PHLDB2: variants seen among roughly 807,000 people sequenced by gnomAD.
The protein encoded by PHLDB2 is pleckstrin homology-like domain family B member 2.
A neutral mutation model predicts 123.6 loss-of-function variants in PHLDB2; 71 were observed. The ratio of observed to expected loss-of-function variants is 0.57; its 90% CI spans 0.47 to 0.70. PHLDB2 has a LOEUF of 0.70. Ranked by LOEUF, PHLDB2 falls within the 30% of genes least tolerant of loss-of-function variation. The pLI is 0.00. For synonymous variants in PHLDB2, 547 were observed against 541.6 expected (o/e 1.01, Z -0.14); for missense variants, 1,446 against 1,519.5 (o/e 0.95, Z 0.80).
At chr3:111,858,796 A>G (rs1185100881), upstream of PHLDB2, among the ~76,000 whole-genome samples, 2 of 152,086 alleles carry the variant, frequency 1.3e-5, no homozygotes, top group African/African-American at 2.4e-5. Context: ...TCGAGGGCCA[A>G]TGTCCTTCAT....
In PHLDB2 at chr3:111,975,467, A is replaced by T. The variant is rs1029305607; in HGVS notation, c.*904A>T. 2 of 152,164 alleles carry T rather than the reference A, an allele frequency of 1.3e-5. No homozygotes were observed. Among genetic ancestry groups the T allele is most frequent in the Non-Finnish European group, 1.5e-5 (1 of 68,018 alleles). The allele number at this position is 152,164 out of a possible 1,614,324, so 9.4% of individuals were successfully genotyped here. A position where few individuals can be genotyped will look rare whatever the true frequency, so the allele number is the denominator to read the frequency against. On this transcript the variant is annotated 3_prime_UTR_variant, in exon 18 of 18. Coordinates refer to ENST00000431670, the MANE Select transcript of PHLDB2 (RefSeq NM_001134438.2). ...TAGCCAATGTCCTTTAGATTGTCTG[A>T]TTTCTTTTTGTTGTGGAGCACACCT...
At chr3:111,952,198 CTG>C (rs567374878) in intron 10 of PHLDB2, among the ~76,000 whole-genome samples, 172 of 152,296 alleles carry the variant, frequency 1.1e-3, no homozygotes, top group African/African-American at 3.8e-3. Context: ...TCACTGGTAT[CTG>C]TGTCATCACA....
In PHLDB2 at chr3:111,830,994, A is replaced by G. The variant is rs918540859; in HGVS notation, c.-48-14827A>G. On this transcript the variant is annotated intron_variant, in intron 1 of 17. Coordinates refer to the PHLDB2 transcript ENST00000393923. The stretch of plus-strand genomic sequence containing the variant: ...GAAAGAAAGAAAGAAAGAAAGAAAG[A>G]AAGAAAGAAAGAAAGAAAGAAAGAA... Among the ~76,000 whole-genome samples, 294 of 86,154 alleles carry G rather than the reference A, an allele frequency of 3.4e-3. 25 individuals carry two copies. The highest frequency in any genetic ancestry group is 5.0e-3 in the Middle Eastern group (1 of 200). 56.5% of individuals were successfully genotyped at this position (86,154 alleles called of 152,430 possible).
intron 1 of PHLDB2, among the ~76,000 whole-genome samples, chr3:111,839,342 G>C (rs140841007): frequency 2.8e-4 from 42 of 152,242 alleles, no homozygotes; most frequent in African/African-American, 7.2e-4. Flanking sequence ...ACAATGTCCT[G>C]ATTTTGATTC....
intron 14 of PHLDB2, 113 bp downstream of exon 14, chr3:111,966,816 C>T (rs1241976659): frequency 1.4e-6 from 1 of 705,074 alleles, no homozygotes; most frequent in Non-Finnish European, 2.4e-6. Context: ...GAATAAATCA[C>T]TCAACCTTTC....
At chr3:111,788,603 T>C (rs2060788127) in intron 1 of PHLDB2, among the ~76,000 whole-genome samples, 1 of 152,216 alleles carries the variant, frequency 6.6e-6, no homozygotes, top group South Asian at 2.1e-4. Context: ...TGCAGTAAGA[T>C]TGAAATAGCT....
intron 15 of PHLDB2, among the ~76,000 whole-genome samples, 170 bp from the exon 16 acceptor site, chr3:111,969,520 A>G (rs1436823024): frequency 6.6e-6 from 1 of 152,228 alleles, no homozygotes; most frequent in Non-Finnish European, 1.5e-5. Context: ...TGAAAATACT[A>G]TCCACTTTTT....
intron 1 of PHLDB2, among the ~76,000 whole-genome samples, chr3:111,819,116 T>C (rs929364761): frequency 2.0e-5 from 3 of 152,160 alleles, no homozygotes; most frequent in Admixed American, 2.0e-4. Context: ...AGAGAATGTG[T>C]GTGCAAGTTC....
At chr3:111,913,214 G>A (rs1052697893) in intron 2 of PHLDB2, 105 bp from the exon 3 acceptor site, 1 of 1,241,396 alleles carries the variant, frequency 8.1e-7, no homozygotes, top group African/African-American at 1.5e-5. Flanking sequence ...GTGGGTTTAT[G>A]TATGGAATGC....
intron 2 of PHLDB2, among the ~76,000 whole-genome samples, chr3:111,852,816 A>G (rs1308988618): frequency 8.5e-5 from 13 of 152,070 alleles, no homozygotes; most frequent in Non-Finnish European, 1.9e-4. Context: ...GCCTGATTAC[A>G]ATACAGACTC....
chr3:111,966,516 TGTGTGTCTG>T (rs1245623140), intron 13 of PHLDB2, 88 bp from the exon 14 acceptor site: 1 of 570,460 alleles, frequency 1.8e-6, no homozygotes, highest in African/African-American at 3.1e-5. Flanking sequence ...TGTGTGTGTG[TGTGTGTCTG>T]GGGTGTGTGT....
In PHLDB2 at chr3:111,920,351, G is replaced by C. The variant is rs1258708665; in HGVS notation, c.1933G>C (p.Glu645Gln). 1.4e-5 allele frequency: 23 copies of C among 1,614,058 alleles called. No individual in the cohort carries two copies. The highest frequency in any genetic ancestry group is 1.9e-5 in the Non-Finnish European group (22 of 1,179,944). ...AACAACTGAACTTATGAAGGAGAAG[G>C]AGATTTTGGATCATCTAAACCGGAA... is the stretch of plus-strand genomic sequence containing the variant. ...SETTELMKEK[E>Q]ILDHLNRKIA... Residue 645 changes from glutamate to glutamine, a missense_variant, in exon 5 of 18, where the codon GAG becomes CAG. By Grantham distance (29) the Glu-to-Gln change is conservative (BLOSUM62 2). This residue lies in a region of PHLDB2 where 832 missense variants were observed against 831.9 expected (regional missense o/e 1.00). Coordinates refer to ENST00000431670, the MANE Select transcript of PHLDB2 (RefSeq NM_001134438.2).
intron 12 of PHLDB2, among the ~76,000 whole-genome samples, chr3:111,954,347 C>T (rs2070899229): frequency 6.6e-6 from 1 of 152,114 alleles, no homozygotes; most frequent in East Asian, 1.9e-4. Context: ...AGGAGATTAC[C>T]AGGGCACTTA....
At chr3:111,853,401 AAG>A (rs1425372215) in intron 2 of PHLDB2, among the ~76,000 whole-genome samples, 1 of 152,224 alleles carries the variant, frequency 6.6e-6, no homozygotes, top group East Asian at 1.9e-4. Context: ...AAGTACTAAA[AAG>A]AGTGTGTAAA....
At chr3:111,782,312 T>A (rs1343459911) in intron 1 of PHLDB2, among the ~76,000 whole-genome samples, 1 of 152,096 alleles carries the variant, frequency 6.6e-6, no homozygotes, top group Admixed American at 6.6e-5. Context: ...ATTACGTTCC[T>A]GGCAATTAAG....
chr3:111,927,037 T>A (rs1040494790), intron 5 of PHLDB2, among the ~76,000 whole-genome samples: 1 of 152,190 alleles, frequency 6.6e-6, no homozygotes, highest in Non-Finnish European at 1.5e-5. Flanking sequence ...ATGGGCCATG[T>A]TTTTGCCTAT....
At chr3:111,865,959 T>C (rs1044953930) in intron 1 of PHLDB2, among the ~76,000 whole-genome samples, 1 of 151,228 alleles carries the variant, frequency 6.6e-6, no homozygotes, top group African/African-American at 2.4e-5. Context: ...GATATGATAT[T>C]ATCATAATTA....
intron 5 of PHLDB2, 46 bp from the exon 6 acceptor site, chr3:111,932,223 G>T: frequency 6.5e-7 from 1 of 1,541,694 alleles, no homozygotes; most frequent in South Asian, 1.2e-5. Flanking sequence ...CCTGCTTGGG[G>T]GTGTGAAGGT....
At chr3:111,943,438 AGAGT>A (rs1181339947) in intron 8 of PHLDB2, among the ~76,000 whole-genome samples, 1 of 152,176 alleles carries the variant, frequency 6.6e-6, no homozygotes, top group African/African-American at 2.4e-5. Flanking sequence ...ACAAAATATA[AGAGT>A]GAAAGTTTAC....
Sources: gnomAD v4.1 joint callset for allele counts (sites outside exome capture counted in the v4.1 genomes callset) on GRCh38, gnomAD v4.1.1 for gene constraint, gnomAD v4.1.1 regional missense constraint, MANE v1.5 for transcripts, NCBI Gene and HGNC (gene_info 2026-07-23, HGNC 2026-07-21) for gene names.